DPYD: variants seen among roughly 807,000 people sequenced by gnomAD.
DPYD encodes the protein dihydropyrimidine dehydrogenase, also known as dihydropyrimidine dehydrogenase [NADP(+)].
DPYD carries 109 observed loss-of-function variants against 116.2 expected under a neutral mutation model. The ratio of observed to expected loss-of-function variants is 0.94; its 90% confidence interval spans 0.80 to 1.10. The LOEUF (loss-of-function observed/expected upper bound fraction) is 1.10, where lower values mean the gene tolerates loss of function less well. DPYD is among the 50% of genes least tolerant of loss of function. The probability of loss-of-function intolerance (pLI) is 0.00; values close to 1 mark genes in which losing one functional copy is unlikely to be tolerated. For missense variants in DPYD, 1,302 were observed against 1,254.5 expected, an observed-to-expected ratio of 1.04 and a Z score of -0.57; for synonymous variants, 440 against 432.0, an observed-to-expected ratio of 1.02 and a Z score of -0.23.
intron 1 of DPYD, among the ~76,000 whole-genome samples, chr1:97,914,072 C>T (rs1407478138): frequency 1.3e-5 from 2 of 152,052 alleles, no homozygotes; most frequent in Non-Finnish European, 2.9e-5. Context: ...GGTAGGGACA[C>T]AGATTGTCTC....
At chr1:97,692,116 T>C (rs1405973840) in intron 6 of DPYD, among the ~76,000 whole-genome samples, 1 of 152,122 alleles carries the variant, frequency 6.6e-6, no homozygotes, top group African/African-American at 2.4e-5. Flanking sequence ...ATTTATTTAA[T>C]AATAATTCTA....
At chr1:97,744,937 A>T (rs957793121) in intron 3 of DPYD, among the ~76,000 whole-genome samples, 1 of 152,060 alleles carries the variant, frequency 6.6e-6, no homozygotes. Context: ...ATCATAATAA[A>T]GGAGACAAGA....
chr1:97,914,026 TA>T (rs1185767244), intron 1 of DPYD, among the ~76,000 whole-genome samples: 2 of 152,088 alleles, frequency 1.3e-5, no homozygotes, highest in Admixed American at 6.6e-5. Context: ...GGGACATTCA[TA>T]AGTGCTTATA....
At chr1:97,146,987 G>A (rs967825997) in intron 20 of DPYD, among the ~76,000 whole-genome samples, 1 of 152,188 alleles carries the variant, frequency 6.6e-6, no homozygotes, top group Non-Finnish European at 1.5e-5. Context: ...GTTATAGGAA[G>A]GAGGAGAGCA....
intron 13 of DPYD, among the ~76,000 whole-genome samples, chr1:97,504,481 C>T (rs1344884045): frequency 1.3e-5 from 2 of 151,914 alleles, no homozygotes; most frequent in Non-Finnish European, 2.9e-5. Context: ...AAATGTGTTG[C>T]AGCAGAGAAA....
intron 14 of DPYD, among the ~76,000 whole-genome samples, chr1:97,419,424 T>C (rs1674457578): frequency 6.6e-6 from 1 of 152,200 alleles, no homozygotes; most frequent in Non-Finnish European, 1.5e-5. Context: ...ACCTGGTACG[T>C]AATCACTATT....
At chr1:97,390,785 A>T (rs971080173) in intron 14 of DPYD, among the ~76,000 whole-genome samples, 26 of 152,002 alleles carry the variant, frequency 1.7e-4, no homozygotes, top group African/African-American at 6.3e-4. Context: ...ACAGGAAACA[A>T]CCACTGTACC....
chr1:97,241,408 T>G (rs1401846343), intron 18 of DPYD, among the ~76,000 whole-genome samples: 1 of 151,964 alleles, frequency 6.6e-6, no homozygotes. Flanking sequence ...GGTGCTGTCC[T>G]CTCTATTTTG....
intron 8 of DPYD, among the ~76,000 whole-genome samples, chr1:97,627,984 G>T (rs1376609741): frequency 6.6e-6 from 1 of 151,962 alleles, no homozygotes; most frequent in Non-Finnish European, 1.5e-5. Context: ...CTATCTGCTA[G>T]CAAAAAGACA....
At chr1:97,496,626 T>C (rs946052779) in intron 13 of DPYD, among the ~76,000 whole-genome samples, 2 of 152,060 alleles carry the variant, frequency 1.3e-5, no homozygotes, top group Admixed American at 1.3e-4. Flanking sequence ...ACTTTGCTCA[T>C]GATATTCATC....
intron 12 of DPYD, among the ~76,000 whole-genome samples, chr1:97,519,572 G>A (rs1057262472): frequency 6.6e-6 from 1 of 152,084 alleles, no homozygotes; most frequent in Non-Finnish European, 1.5e-5. Flanking sequence ...AGAGTGTCCT[G>A]AATCAACTTT....
At chr1:97,085,806 T>G (rs1649472417) in intron 21 of DPYD, among the ~76,000 whole-genome samples, 1 of 152,204 alleles carries the variant, frequency 6.6e-6, no homozygotes, top group Non-Finnish European at 1.5e-5. Context: ...TTCCAATTCA[T>G]TATTACACCC....
chr1:97,493,715 T>C (rs1220953111), intron 13 of DPYD, among the ~76,000 whole-genome samples: 1 of 152,146 alleles, frequency 6.6e-6, no homozygotes, highest in Non-Finnish European at 1.5e-5. Context: ...GCTGGTGCCC[T>C]AAAATAATGG....
At chr1:97,693,857 GA>G (rs896492220) in intron 6 of DPYD, among the ~76,000 whole-genome samples, 3 of 151,512 alleles carry the variant, frequency 2.0e-5, no homozygotes, top group Non-Finnish European at 2.9e-5. Context: ...GGAATAAAAG[GA>G]AAAAAAATGG....
At chr1:97,169,560 T>A (rs908764651) in intron 20 of DPYD, among the ~76,000 whole-genome samples, 2 of 149,596 alleles carry the variant, frequency 1.3e-5, no homozygotes, top group Non-Finnish European at 3.0e-5. Flanking sequence ...TTTATTTTAT[T>A]TGTTATGGAG....
intron 16 of DPYD, among the ~76,000 whole-genome samples, chr1:97,334,494 C>T (rs1007442394): frequency 2.0e-5 from 3 of 152,120 alleles, no homozygotes; most frequent in Admixed American, 6.5e-5. Flanking sequence ...AGCAGAATTA[C>T]GGGATTTGTA....
At chr1:97,395,391 T>C (rs1672953794) in intron 14 of DPYD, among the ~76,000 whole-genome samples, 1 of 151,944 alleles carries the variant, frequency 6.6e-6, no homozygotes, top group Admixed American at 6.6e-5. Flanking sequence ...CACAACAATC[T>C]TGAATTTGGA....
chr1:97,403,436 C>A (rs1673478332), intron 14 of DPYD, among the ~76,000 whole-genome samples: 1 of 151,956 alleles, frequency 6.6e-6, no homozygotes, highest in Non-Finnish European at 1.5e-5. Context: ...AAATAGTGAA[C>A]CCATCTGGGT....
At chr1:97,778,292 C>T (rs1439863889) in intron 3 of DPYD, among the ~76,000 whole-genome samples, 1 of 144,718 alleles carries the variant, frequency 6.9e-6, no homozygotes, top group Non-Finnish European at 1.5e-5. Flanking sequence ...AATTAGAAAA[C>T]ATCTCAAAAT....
Sources: allele counts gnomAD v4.1 joint callset (sites outside exome capture counted in the v4.1 genomes callset), GRCh38; gene constraint gnomAD v4.1.1; transcripts MANE v1.5; gene names NCBI Gene and HGNC (gene_info 2026-07-23, HGNC 2026-07-21).